Variants in LSP1 observed in about 807,000 individuals in gnomAD.
The protein encoded by LSP1 is lymphocyte-specific protein 1.
A neutral mutation model predicts 49.3 loss-of-function variants in LSP1; 32 were observed. The ratio of observed to expected loss-of-function variants is 0.65; its 90% CI spans 0.49 to 0.87. The LOEUF is 0.87. Ranked by LOEUF, LSP1 falls within the 40% of genes least tolerant of loss-of-function variation. LSP1 has a pLI of 0.00. For synonymous variants in LSP1, 179 were observed against 178.8 expected (o/e 1.00, Z -0.01); for missense variants, 428 against 442.6 (o/e 0.97, Z 0.30).
intron 1 of LSP1, among the ~76,000 whole-genome samples, chr11:1,863,789 C>T (rs893430213): frequency 1.4e-4 from 21 of 152,270 alleles, no homozygotes; most frequent in Middle Eastern, 3.4e-3. Flanking sequence ...GCGAGGGCAC[C>T]AGGCCCACTT....
Position 1,884,657 on chromosome 11 carries a change from C to T in LSP1, c.717+76C>T. 7.8e-7 allele frequency: 1 copy of T among 1,289,578 alleles called. No homozygotes were observed. Among genetic ancestry groups the T allele is most frequent in the Non-Finnish European group, 1.1e-6 (1 of 896,354 alleles). 79.9% of individuals were successfully genotyped at this position (1,289,578 alleles called of 1,614,324 possible). A position where few individuals can be genotyped will look rare whatever the true frequency, so the allele number is the denominator to read the frequency against. ...ATTCCTTCATCCAACCAACGCCCTT[C>T]CATCCAATCAGTGCCGCCTTATTCA... On this transcript the variant is annotated intron_variant, in intron 7 of 10. Transcript: ENST00000311604. The surrounding 1 kb of genome is among the most constrained non-coding windows in gnomAD (Gnocchi z 4.1).
chr11:1,872,095 C>A (rs1429093208), intron 1 of LSP1, among the ~76,000 whole-genome samples: 2 of 122,888 alleles, frequency 1.6e-5, no homozygotes, highest in Non-Finnish European at 3.4e-5. Context: ...GTCTGGCTGG[C>A]GTGGGCACTT....
At chr11:1,873,306 G>T (rs1054470953) in intron 1 of LSP1, among the ~76,000 whole-genome samples, 1 of 152,116 alleles carries the variant, frequency 6.6e-6, no homozygotes, top group Non-Finnish European at 1.5e-5. Context: ...GCGACCCCGA[G>T]GCTCAGAGCA....
intron 7 of LSP1, among the ~76,000 whole-genome samples, chr11:1,885,523 C>A (rs1287265670): frequency 1.3e-5 from 2 of 151,386 alleles, no homozygotes; most frequent in Admixed American, 6.6e-5. Context: ...TGCACCCAAT[C>A]AATGGCCTTC....
intron 1 of LSP1, among the ~76,000 whole-genome samples, chr11:1,872,699 T>C (rs1287725875): frequency 6.7e-6 from 1 of 148,984 alleles, no homozygotes; most frequent in Non-Finnish European, 1.5e-5. Context: ...CGGGCAGACC[T>C]GGGCTGTAGT....
At chr11:1,871,539 G>A in intron 1 of LSP1, 2 of 927,232 alleles carry the variant, frequency 2.2e-6, no homozygotes, top group Non-Finnish European at 2.6e-6. Flanking sequence ...GGGTAGAGGG[G>A]TTGGGGGAAA....
intron 1 of LSP1, among the ~76,000 whole-genome samples, chr11:1,854,617 A>C (rs941131349): frequency 2.0e-5 from 3 of 152,160 alleles, no homozygotes; most frequent in Admixed American, 6.5e-5. Context: ...GTGGAGGCTA[A>C]GCAGAGGCCG....
At chr11:1,856,064 C>T (rs1008444964) in intron 1 of LSP1, among the ~76,000 whole-genome samples, 33 of 152,182 alleles carry the variant, frequency 2.2e-4, no homozygotes, top group Admixed American at 1.1e-3. Context: ...CCCAGCTGCC[C>T]GGGGGTGCCC....
In LSP1 at chr11:1,887,563, G is replaced by A; in HGVS notation, c.1020G>A (p.Ter340=). 1.2e-6 allele frequency: 2 copies of A among 1,613,560 alleles called. No homozygotes were observed. Among genetic ancestry groups the A allele is most frequent in the Non-Finnish European group, 1.7e-6 (2 of 1,179,728 alleles). Reference sequence around the variant, plus strand: ...TTGTGGAAGGGGGCCCGGCTCCCTAGGCGTCCCATCTCGGTGAGTCCCTGG... The same window carrying A: ...TTGTGGAAGGGGGCCCGGCTCCCTAAGCGTCCCATCTCGGTGAGTCCCTGG... The part of the protein sequence containing the change: ...KVLVEGGPAP[*] The change falls in exon 10 of 11, where the codon TAG becomes TAA. Residue 340 remains the stop codon, a stop_retained_variant. Coordinates refer to ENST00000311604, the MANE Select transcript of LSP1 (RefSeq NM_002339.3).
At chr11:1,890,953 A>G (rs1848975171) in intron 10 of LSP1, 3 of 208,564 alleles carry the variant, frequency 1.4e-5, no homozygotes, top group Non-Finnish European at 9.8e-6. Flanking sequence ...GGAGACGGAG[A>G]CGCGGGTGAG....
At position 1,853,240 on chromosome 11, in the gene LSP1, C is replaced by T. The variant is rs200006931; in HGVS notation, c.53+43C>T. 1.0e-3 allele frequency: 1,589 copies of T among 1,590,130 alleles called. 2 individuals carry two copies. Among genetic ancestry groups the T allele is most frequent in the Non-Finnish European group, 1.2e-3 (1,431 of 1,171,742 alleles). ...CGCCCGGCGCCCTGTGCCGTGTCCACGGGTGCATAGTCCTTGAGCTGCATG... is the reference window on the plus strand; with the variant it reads ...CGCCCGGCGCCCTGTGCCGTGTCCATGGGTGCATAGTCCTTGAGCTGCATG... On this transcript the variant is annotated intron_variant, in intron 1 of 10. Transcript: ENST00000311604.
Position 1,871,255 on chromosome 11 carries a change from C to T in LSP1, c.54-8832C>T, listed in dbSNP as rs545720776. The T allele has an allele frequency of 9.2e-5, 91 of 986,776 alleles. No homozygotes were observed. In the East Asian group the frequency reaches 5.8e-3, roughly 63 times the overall value. 61.1% of individuals were successfully genotyped at this position (986,776 alleles called of 1,614,324 possible). A position where few individuals can be genotyped will look rare whatever the true frequency, so the allele number is the denominator to read the frequency against. Reference sequence around the variant, plus strand: ...GGGGCAGGCAGAGCCGCAGCCACGCCGCCGGGATGCAGCAGGCAGGGCCAC... The same window carrying T: ...GGGGCAGGCAGAGCCGCAGCCACGCTGCCGGGATGCAGCAGGCAGGGCCAC... On this transcript the variant is annotated intron_variant, in intron 1 of 10. Coordinates refer to ENST00000311604, the MANE Select transcript of LSP1 (RefSeq NM_002339.3).
chr11:1,885,800 G>A (rs1848727478), intron 7 of LSP1, among the ~76,000 whole-genome samples: 2 of 147,592 alleles, frequency 1.4e-5, no homozygotes, highest in Admixed American at 1.3e-4. Flanking sequence ...GCTCTTCTAT[G>A]CAATTAATGC....
chr11:1,877,651 C>T (rs1174842722), intron 1 of LSP1, among the ~76,000 whole-genome samples: 1 of 152,206 alleles, frequency 6.6e-6, no homozygotes, highest in Non-Finnish European at 1.5e-5. Flanking sequence ...GGGACGTGGT[C>T]CCCTTGTTCC....
At position 1,882,207 on chromosome 11, in the gene LSP1, C is replaced by T. The variant is rs539675218; in HGVS notation, c.356+611C>T. ...CACTACCCCTGCTCGGGGTCCTTGC[C>T]GCTCTCAGTCATCTGTGGCCATGAT... On this transcript the variant is annotated intron_variant, in intron 3 of 10. Coordinates refer to ENST00000311604, the MANE Select transcript of LSP1 (RefSeq NM_002339.3). 2.1e-3 allele frequency among the ~76,000 whole-genome samples: 325 copies of T among 152,292 alleles called. 2 individuals carry two copies. The highest frequency in any genetic ancestry group is 3.5e-3 in the Non-Finnish European group (237 of 68,012).
chr11:1,879,054 G>A (rs1406133946), intron 1 of LSP1, among the ~76,000 whole-genome samples: 2 of 152,122 alleles, frequency 1.3e-5, no homozygotes, highest in African/African-American at 4.8e-5. Flanking sequence ...TTTTTGAAAT[G>A]GCTCAATCGG....
chr11:1,879,955 C>A, intron 1 of LSP1, 132 bp from the exon 2 acceptor site: 2 of 1,121,950 alleles, frequency 1.8e-6, no homozygotes, highest in South Asian at 1.5e-5. Context: ...GAGGGCCGGC[C>A]TGGGACTGAC....
At position 1,884,049 on chromosome 11, in the gene LSP1, A is replaced by G. The variant is rs1346100411; in HGVS notation, c.591+25A>G. On this transcript the variant is annotated intron_variant, in intron 5 of 10. Coordinates refer to ENST00000311604, the MANE Select transcript of LSP1 (RefSeq NM_002339.3). This position sits in a 1 kb window ranked among gnomAD's most constrained non-coding sequence, Gnocchi z 4.1. ...AGTAAGTTAAGCTGCAAAGCCTGCC[A>G]TCTTCTCCCCTCTCCCGTACTCATA... 6.3e-7 allele frequency: 1 copy of G among 1,596,284 alleles called. No homozygotes were observed. Among genetic ancestry groups the G allele is most frequent in the African/African-American group, 1.3e-5 (1 of 74,140 alleles).
Position 1,866,879 on chromosome 11 carries a change from G to A in LSP1, c.54-13208G>A, listed in dbSNP as rs747024334. The A allele has an allele frequency of 2.3e-5, 35 of 1,534,094 alleles. No homozygotes were observed. The East Asian group carries it at 3.4e-4, about 15-fold the overall frequency. ...ACCAGGGGCTCGGCCATGAGCATCC[G>A]TCCAGCGGGCCCAGCACCAACTGCA... On this transcript the variant is annotated intron_variant, in intron 1 of 10. Coordinates refer to ENST00000311604, the MANE Select transcript of LSP1 (RefSeq NM_002339.3).
Sources: gnomAD v4.1 joint callset for allele counts (sites outside exome capture counted in the v4.1 genomes callset) on GRCh38, gnomAD v4.1.1 for gene constraint, Gnocchi (gnomAD v3.1) non-coding constraint, MANE v1.5 for transcripts, NCBI Gene and HGNC (gene_info 2026-07-23, HGNC 2026-07-21) for gene names.